The following PDIA3 variants were observed in gnomAD, a reference collection of about 807,000 sequenced individuals.
The protein encoded by PDIA3 is protein disulfide-isomerase A3.
PDIA3 carries 16 observed loss-of-function variants against 56.9 expected under a neutral mutation model. The observed-to-expected ratio is 0.28, with a 90% CI of 0.19 to 0.43. The LOEUF is 0.43. Among genes scored for constraint, PDIA3 ranks in the 20% least tolerant of loss-of-function variants. The pLI, the probability that PDIA3 is intolerant of heterozygous loss-of-function variation, is 1.00. For synonymous variants in PDIA3, 192 were observed against 216.5 expected (o/e 0.89, Z 0.99); for missense variants, 485 against 621.3 (o/e 0.78, Z 2.33).
intron 5 of PDIA3, among the ~76,000 whole-genome samples, chr15:43,763,409 C>T (rs1034212390): frequency 1.3e-5 from 2 of 152,188 alleles, no homozygotes; most frequent in African/African-American, 4.8e-5. Context: ...CGCGCCACCA[C>T]ACCCTGCTAA....
intron 4 of PDIA3, among the ~76,000 whole-genome samples, chr15:43,761,988 G>A (rs556944450): frequency 6.6e-6 from 1 of 152,186 alleles, no homozygotes; most frequent in South Asian, 2.1e-4. Context: ...AGAAATTAGG[G>A]AACTTTAAAA....
At position 43,763,142 on chromosome 15, in the gene PDIA3, G is replaced by A; in HGVS notation, c.538G>A (p.Asp180Asn). ...EFLKAASNLR[D>N]NYRFAHTNVE... is the part of the protein sequence containing the mutation. ...CCTAAAAGCAGCCAGCAACTTGAGG[G>A]ATAACTACCGATTTGCACATACGAA... is the stretch of plus-strand genomic sequence containing the variant. The change falls in exon 5 of 13, where the codon GAT (aspartate) becomes AAT (asparagine). Residue 180 changes from aspartate to asparagine, a missense_variant. Asp to Asn is a conservative substitution (Grantham distance 23, BLOSUM62 1). Coordinates refer to ENST00000300289, the MANE Select transcript of PDIA3 (RefSeq NM_005313.5). 2.5e-6 allele frequency: 4 copies of A among 1,614,096 alleles called. No individual in the cohort carries two copies. The highest frequency in any genetic ancestry group is 3.4e-6 in the Non-Finnish European group (4 of 1,179,942).
chr15:43,750,752 G>A (rs1195775201), intron 1 of PDIA3, among the ~76,000 whole-genome samples: 1 of 151,462 alleles, frequency 6.6e-6, no homozygotes, highest in African/African-American at 2.4e-5. Context: ...TCCAGCCTGG[G>A]CGACAGCGAG....
At chr15:43,754,702 C>A (rs1378666751) in intron 2 of PDIA3, among the ~76,000 whole-genome samples, 2 of 147,372 alleles carry the variant, frequency 1.4e-5, no homozygotes, top group Admixed American at 6.7e-5. Context: ...CAGAGTAAGA[C>A]CCTGTCTCTT....
At chr15:43,747,606 A>G (rs562994836) in intron 1 of PDIA3, among the ~76,000 whole-genome samples, 1 of 151,816 alleles carries the variant, frequency 6.6e-6, no homozygotes, top group African/African-American at 2.4e-5. Context: ...CCTCCAGATC[A>G]TTACCAGAGT....
intron 12 of PDIA3, 82 bp downstream of exon 12, chr15:43,770,662 T>C: frequency 1.1e-6 from 1 of 906,108 alleles, no homozygotes; most frequent in Admixed American, 2.1e-5. Context: ...TAATTGGGTT[T>C]ATTTATTTAT....
chr15:43,768,901 G>C (rs2086864977), intron 9 of PDIA3, among the ~76,000 whole-genome samples: 1 of 152,076 alleles, frequency 6.6e-6, no homozygotes, highest in Non-Finnish European at 1.5e-5. Context: ...GCGGGCGCCT[G>C]TAAGCCCAGC....
At chr15:43,766,053 C>T in intron 7 of PDIA3, 41 bp downstream of exon 7, 17 of 1,586,916 alleles carry the variant, frequency 1.1e-5, no homozygotes, top group Non-Finnish European at 1.3e-5. Flanking sequence ...CAAGTTTACC[C>T]AATGTATAGA....
chr15:43,769,695 G>A (rs2086869711), intron 10 of PDIA3, 49 bp downstream of exon 10: 5 of 1,592,590 alleles, frequency 3.1e-6, no homozygotes, highest in South Asian at 1.1e-5. Flanking sequence ...GGAGCAGTAA[G>A]TTTATGTATG....
chr15:43,758,393 T>C (rs1366363811), intron 3 of PDIA3, among the ~76,000 whole-genome samples: 2 of 152,176 alleles, frequency 1.3e-5, no homozygotes, highest in African/African-American at 4.8e-5. Context: ...GCCTGGTGGC[T>C]CATGCCTATA....
chr15:43,755,131 G>A (rs975252401), intron 2 of PDIA3, among the ~76,000 whole-genome samples: 7 of 152,054 alleles, frequency 4.6e-5, no homozygotes, highest in Non-Finnish European at 8.8e-5. Flanking sequence ...TTCGAGACCC[G>A]CCTGGCCAAC....
In PDIA3 at chr15:43,771,136, A is replaced by T. The variant is rs747150736; in HGVS notation, c.1436A>T (p.Tyr479Phe). The change falls in exon 13 of 13, where the codon TAT becomes TTT. Residue 479 changes from tyrosine (Y) to phenylalanine (F), a missense_variant. By Grantham distance (22) the Tyr-to-Phe change is conservative. Transcript: ENST00000300289. ...CGTGAATTAAGTGATTTTATTAGCT[A>T]TCTACAAAGAGAAGCTACAAACCCC... ...GGRELSDFIS[Y>F]LQREATNPPV... The T allele has an allele frequency of 1.9e-6, 3 of 1,613,056 alleles. No homozygotes were observed. Among genetic ancestry groups the T allele is most frequent in the Non-Finnish European group, 2.5e-6 (3 of 1,179,496 alleles).
chr15:43,767,787 AAAAG>A (rs1567159346), intron 8 of PDIA3, among the ~76,000 whole-genome samples: 8 of 149,890 alleles, frequency 5.3e-5, no homozygotes, highest in South Asian at 4.2e-4. Flanking sequence ...AAAAAAAAAA[AAAAG>A]AAAGAAATAG....
chr15:43,768,851 G>A (rs1001119725), intron 9 of PDIA3, among the ~76,000 whole-genome samples: 5 of 151,954 alleles, frequency 3.3e-5, no homozygotes, highest in Admixed American at 6.6e-5. Flanking sequence ...GTGAAACCCC[G>A]TATCTACTAA....
At position 43,750,995 on chromosome 15, in the gene PDIA3, G is replaced by T. The variant is rs889799792; in HGVS notation, c.168-2829G>T. Among the ~76,000 whole-genome samples the T allele has an allele frequency of 6.6e-5, 10 of 151,988 alleles. No homozygotes were observed. The East Asian group carries it at 1.4e-3, about 21-fold the overall frequency. On this transcript the variant is annotated intron_variant, in intron 1 of 12. Transcript: ENST00000300289. ...AAAAATACAAAAATTGGCTAGGCACGGTGGCAGGAGCCTGTAATCCCAGCT... is the reference window on the plus strand; with the variant it reads ...AAAAATACAAAAATTGGCTAGGCACTGTGGCAGGAGCCTGTAATCCCAGCT...
chr15:43,750,691 T>A (rs925526430), intron 1 of PDIA3, among the ~76,000 whole-genome samples: 1 of 146,638 alleles, frequency 6.8e-6, no homozygotes, highest in Non-Finnish European at 1.5e-5. Context: ...AGGAGAATGG[T>A]GTGAACCCAG....
chr15:43,750,153 G>A (rs1354825916), intron 1 of PDIA3, among the ~76,000 whole-genome samples: 6 of 145,338 alleles, frequency 4.1e-5, no homozygotes, highest in Non-Finnish European at 7.5e-5. Flanking sequence ...TGCAACCTCC[G>A]CCTCCCCTGT....
At chr15:43,764,385 G>A (rs535851209) in intron 5 of PDIA3, among the ~76,000 whole-genome samples, 2 of 152,222 alleles carry the variant, frequency 1.3e-5, no homozygotes, top group South Asian at 2.1e-4. Flanking sequence ...TAGTGGCAAT[G>A]GATAGGAAGG....
chr15:43,765,663 C>A, intron 6 of PDIA3, 97 bp downstream of exon 6: 1 of 916,338 alleles, frequency 1.1e-6, no homozygotes, highest in Non-Finnish European at 1.8e-6. Context: ...CGTAAACAGT[C>A]TATTTGGGGG....
Sources: gnomAD v4.1 joint callset for allele counts (sites outside exome capture counted in the v4.1 genomes callset) on GRCh38, gnomAD v4.1.1 for gene constraint, MANE v1.5 for transcripts, NCBI Gene and HGNC (gene_info 2026-07-23, HGNC 2026-07-21) for gene names.